HECW2: variants seen among roughly 807,000 people sequenced by gnomAD.
HECW2 encodes HECT, C2 and WW domain containing E3 ubiquitin protein ligase 2, also known as E3 ubiquitin-protein ligase HECW2.
HECW2 carries 61 observed loss-of-function variants against 175.2 expected under a neutral mutation model. The ratio of observed to expected loss-of-function variants is 0.35; its 90% CI spans 0.28 to 0.43. The LOEUF (loss-of-function observed/expected upper bound fraction) is 0.43. Among genes scored for constraint, HECW2 ranks in the 20% least tolerant of loss-of-function variants. HECW2 has a pLI of 1.00. For synonymous variants in HECW2, 671 were observed against 731.0 expected (o/e 0.92, Z 1.32); for missense variants, 1,524 against 2,000.5 (o/e 0.76, Z 4.54).
intron 1 of HECW2, among the ~76,000 whole-genome samples, chr2:196,466,596 G>A (rs909306343): frequency 2.0e-5 from 3 of 152,206 alleles, no homozygotes; most frequent in Non-Finnish European, 2.9e-5. Flanking sequence ...GCTGGTGAGA[G>A]GGTTGGCCAG....
intron 28 of HECW2, among the ~76,000 whole-genome samples, chr2:196,206,850 A>C (rs1687086119): frequency 6.6e-6 from 1 of 152,210 alleles, no homozygotes; most frequent in South Asian, 2.1e-4. Flanking sequence ...CATTAGTCCC[A>C]AAGATGGGCT....
At chr2:196,474,586 T>C (rs1028188035) in intron 1 of HECW2, among the ~76,000 whole-genome samples, 1 of 152,208 alleles carries the variant, frequency 6.6e-6, no homozygotes, top group Non-Finnish European at 1.5e-5. Context: ...AGGCCTTTAG[T>C]AGACACAGAC....
rs1686710562 is a variant in HECW2, at chr2:196,196,896, G to A, written c.*4381C>T. On this transcript the variant is annotated 3_prime_UTR_variant, in exon 29 of 29. Coordinates refer to ENST00000644978, the MANE Select transcript of HECW2 (RefSeq NM_001348768.2). ...GCGGATCGCTTGAGCTCAAGAGTTT[G>A]AGACGTGCCTGGGCCTTGTCTCTAC... 6.6e-6 allele frequency: 1 copy of A among 152,244 alleles called. No individual in the cohort carries two copies. Among genetic ancestry groups the A allele is most frequent in the African/African-American group, 2.4e-5 (1 of 41,420 alleles). The allele number at this position is 152,244 out of a possible 1,614,324, so 9.4% of individuals were successfully genotyped here.
intron 1 of HECW2, among the ~76,000 whole-genome samples, chr2:196,441,297 G>A (rs941925034): frequency 6.6e-6 from 1 of 151,874 alleles, no homozygotes; most frequent in African/African-American, 2.4e-5. Flanking sequence ...AGTTGGCATT[G>A]ATAAATAAAA....
At chr2:196,334,952 C>T (rs1296399658) in intron 3 of HECW2, among the ~76,000 whole-genome samples, 1 of 152,122 alleles carries the variant, frequency 6.6e-6, no homozygotes, top group Non-Finnish European at 1.5e-5. Context: ...AAATGAGAGT[C>T]AGGACTCAAA....
Position 196,307,166 on chromosome 2 carries a change from C to T in HECW2, c.2653G>A (p.Ala885Thr), listed in dbSNP as rs755385066. The T allele has an allele frequency of 1.2e-6, 2 of 1,613,800 alleles. No individual in the cohort carries two copies. ...PEENTNAIDG[A>T]GEEADFHQAS... ...TGGTGAAAGTCAGCTTCCTCCCCTG[C>T]CCCATCAATAGCATTGGTATTTTCC... Residue 885 changes from alanine (A) to threonine (T), a missense_variant, in exon 12 of 29, where the codon GCA becomes ACA. Ala to Thr is a moderately conservative substitution (Grantham distance 58). This residue lies in a region of HECW2 where 105 missense variants were observed against 98.1 expected (regional missense o/e 1.07). Transcript: ENST00000644978.
At chr2:196,453,508 T>G (rs1009778343) in intron 1 of HECW2, among the ~76,000 whole-genome samples, 9 of 152,144 alleles carry the variant, frequency 5.9e-5, no homozygotes, top group African/African-American at 2.2e-4. Flanking sequence ...GGAAGAGTAT[T>G]GTAATTAGGA....
chr2:196,581,423 AC>A (rs1690777428), intron 1 of HECW2, among the ~76,000 whole-genome samples: 1 of 152,264 alleles, frequency 6.6e-6, no homozygotes, highest in Admixed American at 6.5e-5. Flanking sequence ...AGTCCCAGCT[AC>A]TCAGGAGGCT....
intron 1 of HECW2, among the ~76,000 whole-genome samples, chr2:196,593,160 G>C (rs912344368): frequency 1.3e-4 from 20 of 151,270 alleles, no homozygotes; most frequent in African/African-American, 4.8e-4. Flanking sequence ...CTCTCGAGGC[G>C]GCTCCGCGCC....
chr2:196,539,358 C>T (rs868803543), intron 1 of HECW2, among the ~76,000 whole-genome samples: 1 of 152,190 alleles, frequency 6.6e-6, no homozygotes, highest in Non-Finnish European at 1.5e-5. Context: ...GTAGGCCGGA[C>T]GCAGTGGCTC....
intron 2 of HECW2, among the ~76,000 whole-genome samples, chr2:196,421,426 C>T (rs1360092638): frequency 6.6e-6 from 1 of 152,104 alleles, no homozygotes; most frequent in Admixed American, 6.6e-5. Context: ...GATGTGACAA[C>T]TGATAACAGA....
In HECW2 at chr2:196,319,543, ACTC is replaced by A. The variant is rs562760525; in HGVS notation, c.1344_1346del (p.Arg448del). The A allele has an allele frequency of 2.9e-3, 4,702 of 1,613,766 alleles. 15 individuals carry two copies. The highest frequency in any genetic ancestry group is 0.015 in the Middle Eastern group (89 of 6,062). ...TGAGTCTTGTGTCAGTGGGAAAACT[ACTC>A]CTCAGTTTCGGAGAGGCACCCATGG... On this transcript the variant is annotated inframe_deletion, in exon 9 of 29. Coordinates refer to ENST00000644978, the MANE Select transcript of HECW2 (RefSeq NM_001348768.2).
rs550822022 is a variant in HECW2 at position 196,314,083 on chromosome 2, G to C, written c.2434+3191C>G. Among the ~76,000 whole-genome samples, 21 of 152,312 alleles carry C rather than the reference G, an allele frequency of 1.4e-4. 1 individual carries two copies. In the South Asian group the frequency reaches 4.4e-3, roughly 32 times the overall value. ...GTAGCTTGTCCCTAGGGTAGAAAGA[G>C]AGTGACCTGCACAGAGAGGAAAGGT... On this transcript the variant is annotated intron_variant, in intron 10 of 28. Transcript: ENST00000644978.
At chr2:196,281,642 T>TAAAAAA (rs1276342965) in intron 14 of HECW2, among the ~76,000 whole-genome samples, 1 of 2,140 alleles carries the variant, frequency 4.7e-4, no homozygotes, top group Admixed American at 6.9e-3. Flanking sequence ...AGACCCCGTC[T>TAAAAAA]CAAAAAAAAA....
intron 3 of HECW2, among the ~76,000 whole-genome samples, chr2:196,335,457 C>T (rs1344142949): frequency 6.6e-6 from 1 of 152,126 alleles, no homozygotes; most frequent in African/African-American, 2.4e-5. Flanking sequence ...GAGGGAGAAT[C>T]CTAGGCTACG....
chr2:196,581,664 T>G (rs1690789655), intron 1 of HECW2, among the ~76,000 whole-genome samples: 1 of 152,236 alleles, frequency 6.6e-6, no homozygotes, highest in South Asian at 2.1e-4. Context: ...AATGAACACC[T>G]ACAGATAGAC....
At chr2:196,260,265 G>A (rs1248081790) in intron 17 of HECW2, 4 of 152,200 alleles carry the variant, frequency 2.6e-5, no homozygotes, top group Non-Finnish European at 5.9e-5. Flanking sequence ...GAGGCAGGCT[G>A]AGACCAATTT....
At chr2:196,265,341 C>T (rs894881920) in intron 17 of HECW2, among the ~76,000 whole-genome samples, 5 of 152,050 alleles carry the variant, frequency 3.3e-5, no homozygotes, top group African/African-American at 9.7e-5. Flanking sequence ...AAAAATTAGC[C>T]GGGCATGGTA....
At chr2:196,445,218 T>C (rs546340539) in intron 1 of HECW2, among the ~76,000 whole-genome samples, 2 of 152,234 alleles carry the variant, frequency 1.3e-5, no homozygotes, top group Non-Finnish European at 1.5e-5. Flanking sequence ...CTTACACAAA[T>C]AGTGTTTATT....
Sources: allele counts gnomAD v4.1 joint callset (sites outside exome capture counted in the v4.1 genomes callset), GRCh38; gene constraint gnomAD v4.1.1; regional missense constraint gnomAD v4.1.1; transcripts MANE v1.5; gene names NCBI Gene and HGNC (gene_info 2026-07-23, HGNC 2026-07-21).